Variants in RAB27A observed in about 807,000 individuals in gnomAD.
RAB27A encodes ras-related protein Rab-27A.
Under a neutral mutation model 20.8 loss-of-function variants are expected in RAB27A, and 17 were observed. That is an observed-to-expected ratio of 0.82 (90% CI 0.56 to 1.23). The LOEUF (loss-of-function observed/expected upper bound fraction) is 1.23, where lower values mean the gene tolerates loss of function less well. Among genes scored for constraint, RAB27A ranks in the 50% most tolerant of loss-of-function variants. The pLI, the probability that RAB27A is intolerant of heterozygous loss-of-function variation, is 0.00. For synonymous variants in RAB27A, 85 were observed against 92.8 expected (o/e 0.92, Z 0.48); for missense variants, 277 against 266.7 (o/e 1.04, Z -0.27).
At chr15:55,274,794 T>TATATATATATA (rs1897805753) in intron 1 of RAB27A, among the ~76,000 whole-genome samples, 1 of 52,172 alleles carries the variant, frequency 1.9e-5, no homozygotes, top group Admixed American at 2.4e-4. Flanking sequence ...AATAAATAAA[T>TATATATATATA]TATATATATA....
chr15:55,303,999 T>C (rs928963648), intron 2 of RAB27A, among the ~76,000 whole-genome samples: 3 of 150,818 alleles, frequency 2.0e-5, no homozygotes, highest in Non-Finnish European at 2.9e-5. Context: ...AGGATGACAA[T>C]GGCGGCTTTG....
At chr15:55,289,360 G>C (rs1898246633) in intron 1 of RAB27A, 1 of 152,336 alleles carries the variant, frequency 6.6e-6, no homozygotes, top group African/African-American at 2.4e-5. Flanking sequence ...AAGCAAAAGA[G>C]GGAGGAATGA....
chr15:55,255,199 A>G (rs116843624), intron 2 of RAB27A, among the ~76,000 whole-genome samples: 1 of 152,316 alleles, frequency 6.6e-6, no homozygotes, highest in East Asian at 1.9e-4. Context: ...GGTTCCAGTA[A>G]TTAACAGAAT....
In RAB27A at chr15:55,205,443, TATCA is replaced by T. The variant is rs1566892699; in HGVS notation, c.*60_*63del. The T allele has an allele frequency of 3.3e-6, 5 of 1,495,700 alleles. No individual in the cohort carries two copies. Among genetic ancestry groups the T allele is most frequent in the Non-Finnish European group, 4.7e-6 (5 of 1,073,026 alleles). The allele number at this position is 1,495,700 out of a possible 1,614,324, so 92.7% of individuals were successfully genotyped here. A position where few individuals can be genotyped will look rare whatever the true frequency, so the allele number is the denominator to read the frequency against. On this transcript the variant is annotated 3_prime_UTR_variant, in exon 7 of 7. Coordinates refer to ENST00000336787, the MANE Select transcript of RAB27A (RefSeq NM_183235.3). The stretch of plus-strand genomic sequence containing the variant: ...CCCATTAATCTCTCACTGTGCCATG[TATCA>T]ATCATAGAGAAGATCCCAGGCATGG...
At chr15:55,310,379 G>A (rs146699280) in intron 2 of RAB27A, among the ~76,000 whole-genome samples, 15 of 152,218 alleles carry the variant, frequency 9.9e-5, no homozygotes, top group African/African-American at 2.2e-4. Flanking sequence ...CACTTGCCCC[G>A]GGCACCCTCA....
chr15:55,298,097 T>C (rs2054956960), intron 2 of RAB27A, among the ~76,000 whole-genome samples: 1 of 151,042 alleles, frequency 6.6e-6, no homozygotes. Flanking sequence ...CACAGCTACT[T>C]GAGAGGCTGA....
chr15:55,295,882 T>C (rs1427031359), intron 2 of RAB27A, among the ~76,000 whole-genome samples: 3 of 152,106 alleles, frequency 2.0e-5, no homozygotes, highest in African/African-American at 7.2e-5. Flanking sequence ...AATTTTTTTT[T>C]TTTAAAAGAA....
intron 2 of RAB27A, among the ~76,000 whole-genome samples, chr15:55,251,436 T>C (rs1566920976): frequency 6.6e-6 from 1 of 152,168 alleles, no homozygotes; most frequent in Non-Finnish European, 1.5e-5. Flanking sequence ...GATAGGAAAC[T>C]GGTGTCCTTA....
chr15:55,249,164 T>C (rs915649614), intron 2 of RAB27A: 2 of 152,236 alleles, frequency 1.3e-5, no homozygotes, highest in African/African-American at 2.4e-5. Flanking sequence ...ACTCAGCCTG[T>C]CAGATTACAG....
chr15:55,210,195 G>GTATA lies in RAB27A; in HGVS notation c.468-4494_468-4491dup, dbSNP rs150276978. 1.2e-3 allele frequency among the ~76,000 whole-genome samples: 101 copies of GTATA among 85,458 alleles called. 1 individual carries two copies. Among genetic ancestry groups the GTATA allele is most frequent in the African/African-American group, 4.3e-3 (52 of 12,172 alleles). The allele number at this position is 85,458 out of a possible 152,430, so 56.1% of individuals were successfully genotyped here. The stretch of plus-strand genomic sequence containing the variant: ...TATACGTACACACATATGTATGTGT[G>GTATA]TATACATACACACATGTATGTGTAT... On this transcript the variant is annotated intron_variant, in intron 6 of 6. Coordinates refer to ENST00000336787, the MANE Select transcript of RAB27A (RefSeq NM_183235.3).
upstream of RAB27A, among the ~76,000 whole-genome samples, chr15:55,294,596 A>G (rs1004991940): frequency 1.0e-3 from 153 of 150,034 alleles, no homozygotes; most frequent in Middle Eastern, 3.4e-3. Flanking sequence ...TCCGAAAAAA[A>G]AAAAAAAAAA....
At chr15:55,213,642 T>A (rs1032609981) in intron 6 of RAB27A, among the ~76,000 whole-genome samples, 2 of 152,170 alleles carry the variant, frequency 1.3e-5, no homozygotes, top group African/African-American at 2.4e-5. Context: ...ATTAGCAGCA[T>A]CATTAGATTC....
chr15:55,313,252 C>T (rs575115602), intron 2 of RAB27A, among the ~76,000 whole-genome samples: 11 of 152,250 alleles, frequency 7.2e-5, no homozygotes, highest in African/African-American at 2.6e-4. Flanking sequence ...CCCATTTCTA[C>T]AAAGATTTGT....
At chr15:55,303,694 C>T (rs2054984969) in intron 2 of RAB27A, among the ~76,000 whole-genome samples, 3 of 128,398 alleles carry the variant, frequency 2.3e-5, no homozygotes, top group South Asian at 5.5e-4. Flanking sequence ...CCAGCCGCCC[C>T]GTCCGGGAGG....
chr15:55,205,733 A>G (rs564743410), intron 6 of RAB27A, 28 bp from the exon 7 acceptor site: 1 of 1,569,086 alleles, frequency 6.4e-7, no homozygotes, highest in Admixed American at 1.7e-5. Context: ...CTGAGGTAAC[A>G]ACATGTGGAG....
At chr15:55,211,302 T>C (rs1229476841) in intron 6 of RAB27A, among the ~76,000 whole-genome samples, 1 of 152,140 alleles carries the variant, frequency 6.6e-6, no homozygotes, top group Non-Finnish European at 1.5e-5. Flanking sequence ...ATATTATTGG[T>C]ATTTTGATAG....
rs537714642 is a variant in RAB27A, at chr15:55,261,848, G to T, written c.-23+8317C>A. 4.0e-5 allele frequency among the ~76,000 whole-genome samples: 6 copies of T among 151,588 alleles called. No individual in the cohort carries two copies. In the East Asian group the frequency reaches 1.2e-3, roughly 30 times the overall value. On this transcript the variant is annotated intron_variant, in intron 2 of 6. Transcript: ENST00000336787. ...AGGTCAGGAGTTCAAAACCAGCCTG[G>T]CCAACATGGTGCAATCCCATCTCTA... is the stretch of plus-strand genomic sequence containing the variant.
chr15:55,264,999 T>C (rs1336418265), intron 2 of RAB27A, among the ~76,000 whole-genome samples: 2 of 152,076 alleles, frequency 1.3e-5, no homozygotes, highest in African/African-American at 4.8e-5. Context: ...TCCTAGCACT[T>C]TGGGAGGCCG....
intron 3 of RAB27A, among the ~76,000 whole-genome samples, chr15:55,233,970 T>C (rs968334978): frequency 2.0e-5 from 3 of 152,178 alleles, no homozygotes; most frequent in African/African-American, 7.2e-5. Context: ...GCCTCTCTGG[T>C]AGTAGAATAA....
Sources: gnomAD v4.1 joint callset for allele counts (sites outside exome capture counted in the v4.1 genomes callset) on GRCh38, gnomAD v4.1.1 for gene constraint, MANE v1.5 for transcripts, NCBI Gene and HGNC (gene_info 2026-07-23, HGNC 2026-07-21) for gene names.